Variants in SPATA32 observed in about 807,000 individuals in gnomAD.
SPATA32 encodes the protein spermatogenesis associated 32.
A neutral mutation model predicts 35.4 loss-of-function variants in SPATA32; 28 were observed. The ratio of observed to expected loss-of-function variants is 0.79; its 90% CI spans 0.59 to 1.09. SPATA32 has a LOEUF of 1.09. Among genes scored for constraint, SPATA32 ranks in the 50% least tolerant of loss-of-function variants. The probability of loss-of-function intolerance (pLI) is 0.00; values close to 1 mark genes in which losing one functional copy is unlikely to be tolerated. For missense variants in SPATA32, 409 were observed against 475.9 expected (o/e 0.86, Z 1.31); for synonymous variants, 168 against 196.3 (o/e 0.86, Z 1.20).
At chr17:45,259,569 C>A (rs1018173856) in intron 1 of SPATA32, among the ~76,000 whole-genome samples, 9 of 151,966 alleles carry the variant, frequency 5.9e-5, no homozygotes, top group African/African-American at 1.7e-4. Context: ...ACTCTGTTGC[C>A]CAGGCTGGAG....
intron 4 of SPATA32, 200 bp downstream of exon 4, chr17:45,254,915 C>A: frequency 1.6e-6 from 1 of 626,874 alleles, no homozygotes. Flanking sequence ...CCAGCCCTCG[C>A]CTTGGCTCTG....
chr17:45,261,935 C>A, intron 1 of SPATA32, 69 bp downstream of exon 1: 1 of 1,287,462 alleles, frequency 7.8e-7, no homozygotes. Context: ...CCTTCGCGCC[C>A]CTCCCCCTCT....
In SPATA32 at chr17:45,255,114, C is replaced by T; in HGVS notation, c.1067+1G>A. 1 of 1,614,050 alleles carries T rather than the reference C, an allele frequency of 6.2e-7. No homozygotes were observed. On this transcript the variant is annotated splice_donor_variant, in intron 4 of 4. Coordinates refer to ENST00000331780, the MANE Select transcript of SPATA32 (RefSeq NM_152343.3). LOFTEE classifies it high-confidence loss of function. The surrounding 1 kb of genome is among the most constrained non-coding windows in gnomAD (Gnocchi z 5.4). The stretch of plus-strand genomic sequence containing the variant: ...GGAGCTGCGGGGCTGGCCTCACTCA[C>T]TCTTCCTTGCTTCCCTGCAGCAGAG...
Position 45,255,692 on chromosome 17 carries a change from T to C in SPATA32, c.490A>G (p.Ile164Val). ...SKHLFWANKL[I>V]QASEHSLQRA... ...TGCAGGCTGTGCTCTGAGGCCTGGATGAGCTTGTTTGCCCAGAAGAGGTGC... is the reference window on the plus strand; with the variant it reads ...TGCAGGCTGTGCTCTGAGGCCTGGACGAGCTTGTTTGCCCAGAAGAGGTGC... Residue 164 changes from isoleucine to valine, a missense_variant, in exon 4 of 5, where the codon ATC becomes GTC. By Grantham distance (29) the Ile-to-Val change is conservative (BLOSUM62 3). Coordinates refer to ENST00000331780, the MANE Select transcript of SPATA32 (RefSeq NM_152343.3). This position sits in a 1 kb window ranked among gnomAD's most constrained non-coding sequence, Gnocchi z 5.4. 1 of 1,613,868 alleles carries C rather than the reference T, an allele frequency of 6.2e-7. No homozygotes were observed. Among genetic ancestry groups the C allele is most frequent in the South Asian group, 1.1e-5 (1 of 91,090 alleles).
In SPATA32 at chr17:45,254,401, T is replaced by C. The variant is rs750404555; in HGVS notation, c.*25A>G. 6.2e-7 allele frequency: 1 copy of C among 1,610,028 alleles called. No individual in the cohort carries two copies. Among genetic ancestry groups the C allele is most frequent in the East Asian group, 2.2e-5 (1 of 44,872 alleles). On this transcript the variant is annotated 3_prime_UTR_variant, in exon 5 of 5. Coordinates refer to ENST00000331780, the MANE Select transcript of SPATA32 (RefSeq NM_152343.3). ...AAAAGTCTAAGCCGACGGCCAGCAC[T>C]GGAGGCTTTATTGGTTCTGTCTAGT...
rs760620094 is a variant in SPATA32 at position 45,255,951 on chromosome 17, T to A, written c.231A>T (p.Leu77=). Residue 77 remains leucine (L), a synonymous_variant, in exon 4 of 5, where the codon CTA becomes CTT. Coordinates refer to ENST00000331780, the MANE Select transcript of SPATA32 (RefSeq NM_152343.3). This position sits in a 1 kb window ranked among gnomAD's most constrained non-coding sequence, Gnocchi z 5.4. The part of the protein sequence containing the change: ...GQVPALLESE[L]YPALKLEAEL... Reference sequence around the variant, plus strand: ...CAGCTTCAAGCTTGAGGGCTGGGTATAGCTCTGACTCCAGTAAAGCCGGCA... The same window carrying A: ...CAGCTTCAAGCTTGAGGGCTGGGTAAAGCTCTGACTCCAGTAAAGCCGGCA... 3.1e-6 allele frequency: 5 copies of A among 1,614,008 alleles called. No homozygotes were observed. The African/African-American group carries it at 6.7e-5, about 22-fold the overall frequency.
In SPATA32 at chr17:45,257,109, G is replaced by A. The variant is rs772973293; in HGVS notation, c.68+44C>T. On this transcript the variant is annotated intron_variant, in intron 2 of 4. Coordinates refer to ENST00000331780, the MANE Select transcript of SPATA32 (RefSeq NM_152343.3). The stretch of plus-strand genomic sequence containing the variant: ...GCTGGGGGTGAGGTCGGAGGTCCTG[G>A]AGGGCTCGGGGGAGGCCCTACGTTG... 21 of 1,604,592 alleles carry A rather than the reference G, an allele frequency of 1.3e-5. No homozygotes were observed. The South Asian group carries it at 1.4e-4, about 11-fold the overall frequency.
At chr17:45,254,545 C>A in intron 4 of SPATA32, 32 bp from the exon 5 acceptor site, 1 of 1,608,696 alleles carries the variant, frequency 6.2e-7, no homozygotes. Flanking sequence ...GTCACTTGGG[C>A]CCCAGAGGGT....
At chr17:45,258,275 A>G (rs1202744322) in intron 1 of SPATA32, among the ~76,000 whole-genome samples, 2 of 151,898 alleles carry the variant, frequency 1.3e-5, no homozygotes, top group African/African-American at 4.8e-5. Flanking sequence ...CGGCTCAATG[A>G]TCTCTTCAGA....
At chr17:45,258,703 C>T (rs373232515) in intron 1 of SPATA32, among the ~76,000 whole-genome samples, 16 of 151,510 alleles carry the variant, frequency 1.1e-4, no homozygotes, top group Non-Finnish European at 1.9e-4. Context: ...GGTGTGATCT[C>T]GGCTCACTGT....
In SPATA32 at chr17:45,255,946, G is replaced by A. The variant is rs761985266; in HGVS notation, c.236C>T (p.Pro79Leu). ...VPALLESELY[P>L]ALKLEAELDT... is the part of the protein sequence containing the mutation. ...CAGCTCAGCTTCAAGCTTGAGGGCTGGGTATAGCTCTGACTCCAGTAAAGC... is the reference window on the plus strand; with the variant it reads ...CAGCTCAGCTTCAAGCTTGAGGGCTAGGTATAGCTCTGACTCCAGTAAAGC... Residue 79 changes from proline (P) to leucine (L), a missense_variant, in exon 4 of 5, where the codon CCA becomes CTA. Pro to Leu is a moderately conservative substitution (Grantham distance 98). Transcript: ENST00000331780. This position sits in a 1 kb window ranked among gnomAD's most constrained non-coding sequence, Gnocchi z 5.4. 6.2e-7 allele frequency: 1 copy of A among 1,614,122 alleles called. No individual in the cohort carries two copies. Among genetic ancestry groups the A allele is most frequent in the Non-Finnish European group, 8.5e-7 (1 of 1,180,024 alleles).
chr17:45,261,613 A>T (rs1333424613), intron 1 of SPATA32, among the ~76,000 whole-genome samples: 1 of 152,248 alleles, frequency 6.6e-6, no homozygotes, highest in Non-Finnish European at 1.5e-5. Context: ...AGCCTCAAGC[A>T]TCAAGGAGGG....
Position 45,254,515 on chromosome 17 carries a change from T to G in SPATA32, c.1068-2A>C. 6.2e-7 allele frequency: 1 copy of G among 1,613,948 alleles called. No individual in the cohort carries two copies. Among genetic ancestry groups the G allele is most frequent in the Non-Finnish European group, 8.5e-7 (1 of 1,179,890 alleles). On this transcript the variant is annotated splice_acceptor_variant, in intron 4 of 4. Coordinates refer to ENST00000331780, the MANE Select transcript of SPATA32 (RefSeq NM_152343.3). LOFTEE classifies it high-confidence loss of function. ...TTCTCTTTTCCTGGCGGCACTGAGC[T>G]GCAACACAAAAGAGAGAGTGTCACT...
In SPATA32 at chr17:45,257,204, G is replaced by T. The variant is rs1471832004; in HGVS notation, c.17C>A (p.Ala6Asp). ...TTTGCCGCAGCATGGAAATCCATGG[G>T]CACCTGACAGGGGAAAGGAGGTGAG... MGVTG[A>D]HGFPCCGKGS... The change falls in exon 2 of 5, where the codon GCC (alanine) becomes GAC (aspartate). Residue 6 changes from alanine (A) to aspartate (D), a missense_variant. Coordinates refer to ENST00000331780, the MANE Select transcript of SPATA32 (RefSeq NM_152343.3). 1.2e-6 allele frequency: 2 copies of T among 1,610,704 alleles called. No homozygotes were observed. Among genetic ancestry groups the T allele is most frequent in the Non-Finnish European group, 1.7e-6 (2 of 1,178,626 alleles).
chr17:45,261,544 C>T (rs1462194961), intron 1 of SPATA32, among the ~76,000 whole-genome samples: 2 of 152,328 alleles, frequency 1.3e-5, no homozygotes, highest in East Asian at 3.9e-4. Flanking sequence ...GAGAAGAGTA[C>T]AAGGCATCAA....
Position 45,255,546 on chromosome 17 carries a change from G to T in SPATA32, c.636C>A (p.Ala212=). 1 of 1,614,066 alleles carries T rather than the reference G, an allele frequency of 6.2e-7. No individual in the cohort carries two copies. Among genetic ancestry groups the T allele is most frequent in the Non-Finnish European group, 8.5e-7 (1 of 1,180,006 alleles). Reference sequence around the variant, plus strand: ...AGCTTGTGGTTGGAGGAGCTGAGTGGGCATCAGGGATCTGGAGCTGCTCCT... The same window carrying T: ...AGCTTGTGGTTGGAGGAGCTGAGTGTGCATCAGGGATCTGGAGCTGCTCCT... ...CSEEQLQIPD[A]HSAPPTTSSQ... is the part of the protein sequence containing the mutation. The change falls in exon 4 of 5, where the codon GCC becomes GCA. Residue 212 remains alanine (A), a synonymous_variant. Coordinates refer to ENST00000331780, the MANE Select transcript of SPATA32 (RefSeq NM_152343.3). The surrounding 1 kb of genome is among the most constrained non-coding windows in gnomAD (Gnocchi z 5.4).
intron 1 of SPATA32, 76 bp from the exon 2 acceptor site, chr17:45,257,283 C>CT: frequency 1.4e-6 from 2 of 1,441,232 alleles, no homozygotes; most frequent in Admixed American, 3.9e-5. Flanking sequence ...GAGCCAGCCC[C>CT]CTTTTCCTGC....
intron 1 of SPATA32, 144 bp from the exon 2 acceptor site, chr17:45,257,351 T>C: frequency 1.1e-6 from 1 of 914,098 alleles, no homozygotes; most frequent in South Asian, 1.5e-5. Context: ...CCGCTCTCCT[T>C]GTTCCCGAGC....
intron 2 of SPATA32, 89 bp downstream of exon 2, chr17:45,257,063 TC>T (rs2043964493): frequency 8.4e-6 from 12 of 1,429,838 alleles, no homozygotes; most frequent in Admixed American, 1.8e-5. Flanking sequence ...GGGAGGGAGA[TC>T]CTAGGCTGGG....
Sources: allele counts gnomAD v4.1 joint callset (sites outside exome capture counted in the v4.1 genomes callset), GRCh38; gene constraint gnomAD v4.1.1; non-coding constraint Gnocchi (gnomAD v3.1); transcripts MANE v1.5; gene names NCBI Gene and HGNC (gene_info 2026-07-23, HGNC 2026-07-21).